The following ARMCX5 variants were observed in gnomAD, a reference collection of about 807,000 sequenced individuals.
The protein encoded by ARMCX5 is armadillo repeat-containing X-linked protein 5.
Under a neutral mutation model 7.5 loss-of-function variants are expected in ARMCX5, and 1 was observed. That is an observed-to-expected ratio of 0.13 (90% confidence interval 0.05 to 0.63). The LOEUF is 0.63. ARMCX5 is among the 30% of genes least tolerant of loss of function. ARMCX5 has a pLI of 0.86. For synonymous variants in ARMCX5, 149 were observed against 145.7 expected (o/e 1.02, Z -0.16); for missense variants, 346 against 402.2 (o/e 0.86, Z 1.19).
rs1414699668 is a variant in ARMCX5, at chrX:102,603,879, G to A, written c.*61G>A. 1.4e-6 allele frequency: 1 copy of A among 711,966 alleles called. No homozygotes were observed. The highest frequency in any genetic ancestry group is 2.1e-6 in the Non-Finnish European group (1 of 483,805). The allele number at this position is 711,966 out of a possible 1,213,427, so 58.7% of individuals were successfully genotyped here. A position where few individuals can be genotyped will look rare whatever the true frequency, so the allele number is the denominator to read the frequency against. The stretch of plus-strand genomic sequence containing the variant: ...TTTGGAGTTGCAATATGAAACCAAT[G>A]CATATTGTAATTATAAATTCAATAC... On this transcript the variant is annotated 3_prime_UTR_variant, in exon 4 of 4. Transcript: ENST00000473968.
Position 102,602,048 on chromosome X carries a change from TG to T in ARMCX5, c.-92del. On this transcript the variant is annotated 5_prime_UTR_variant, in exon 4 of 4. Coordinates refer to ENST00000473968, the MANE Select transcript of ARMCX5 (RefSeq NM_001168478.2). ...GTTGGAAAGGGGACAGAGTGACTAC[TG>T]GACTTTGTGTGAAAACACCAACCGG... is the stretch of plus-strand genomic sequence containing the variant. 1.4e-6 allele frequency: 1 copy of T among 733,130 alleles called. No individual in the cohort carries two copies. Among genetic ancestry groups the T allele is most frequent in the Non-Finnish European group, 2.0e-6 (1 of 487,958 alleles). The allele number at this position is 733,130 out of a possible 1,213,427, so 60.4% of individuals were successfully genotyped here.
intron 3 of ARMCX5, 44 bp from the exon 4 acceptor site, chrX:102,601,836 A>T: frequency 3.3e-6 from 1 of 304,304 alleles, no homozygotes; most frequent in East Asian, 5.3e-5. Context: ...AGGAGAAAAA[A>T]GTTGGAAGAG....
rs749789460 is a variant in ARMCX5 at position 102,603,222 on chromosome X, G to A, written c.1081G>A (p.Val361Ile). The A allele has an allele frequency of 2.1e-5, 25 of 1,208,425 alleles. No homozygotes were observed. The East Asian group carries it at 4.7e-4, about 23-fold the overall frequency. Residue 361 changes from valine (V) to isoleucine (I), a missense_variant, in exon 4 of 4, where the codon GTC becomes ATC. Around this residue, in one of 3 missense-constraint regions of ARMCX5, gnomAD observed 139 missense variants for 141.1 expected, o/e 0.99. Transcript: ENST00000473968. ...TATTACTGTTATGATTGAAAACTTG[G>A]TCAATAATCCCAATGTTAAAGAACA... Reference protein sequence around the residue: ...VGITVMIENLVNNPNVKEHPG... With the variant: ...VGITVMIENLINNPNVKEHPG...
chrX:102,599,723 A>G lies in ARMCX5; in HGVS notation c.-546A>G, dbSNP rs1352167007. On this transcript the variant is annotated 5_prime_UTR_variant, in exon 1 of 4. Transcript: ENST00000473968. ...GTCTTGAGTCCCAGGTGCCGAGTCA[A>G]TCCCCATACACAGCCGCCGCCATTG... 9.2e-6 allele frequency: 1 copy of G among 108,448 alleles called. No homozygotes were observed. Among genetic ancestry groups the G allele is most frequent in the Non-Finnish European group, 1.9e-5 (1 of 52,413 alleles). 8.9% of individuals were successfully genotyped at this position (108,448 alleles called of 1,213,427 possible). A position where few individuals can be genotyped will look rare whatever the true frequency, so the allele number is the denominator to read the frequency against.
Position 102,603,473 on chromosome X carries a change from A to G in ARMCX5, c.1332A>G (p.Gly444=), listed in dbSNP as rs774206301. 6.6e-6 allele frequency: 8 copies of G among 1,207,820 alleles called. No individual in the cohort carries two copies. Among genetic ancestry groups the G allele is most frequent in the Non-Finnish European group, 9.0e-6 (8 of 892,121 alleles). ...ATTTCCTCACCTTGTTAAACAAGGG[A>G]AGTGTCAAAACCAAGTTTTATGTTT... ...IPDFLTLLNK[G]SVKTKFYVLK... is the part of the protein sequence containing the mutation. Residue 444 remains glycine, a synonymous_variant, in exon 4 of 4, where the codon GGA becomes GGG. Coordinates refer to ENST00000473968, the MANE Select transcript of ARMCX5 (RefSeq NM_001168478.2).
chrX:102,603,022 A>G lies in ARMCX5; in HGVS notation c.881A>G (p.Asn294Ser). 2.5e-6 allele frequency: 3 copies of G among 1,211,755 alleles called. No individual in the cohort carries two copies. The highest frequency in any genetic ancestry group is 1.7e-5 in the African/African-American group (1 of 57,779). The change falls in exon 4 of 4, where the codon AAT (asparagine) becomes AGT (serine). Residue 294 changes from asparagine to serine, a missense_variant. Physicochemically the swap from Asn to Ser is conservative, Grantham distance 46 (BLOSUM62 1). This residue lies in a region of ARMCX5 where 204 missense variants were observed against 244.3 expected (regional missense o/e 0.83). Transcript: ENST00000473968. ...QIRQREKYGPNPKACHCKSRG... is the reference protein window; with the variant it reads ...QIRQREKYGPSPKACHCKSRG... ...AGGCAAAGGGAAAAGTATGGGCCTA[A>G]TCCGAAGGCCTGCCACTGCAAATCA...
rs1178601130 is a variant in ARMCX5, at chrX:102,603,190, A to G, written c.1049A>G (p.Asp350Gly). The change falls in exon 4 of 4, where the codon GAT (aspartate) becomes GGT (glycine). Residue 350 changes from aspartate to glycine, a missense_variant. Transcript: ENST00000473968. ...CCATTTACTCAAGATATAATTCATGATGTAGGTATTACTGTTATGATTGAA... is the reference window on the plus strand; with the variant it reads ...CCATTTACTCAAGATATAATTCATGGTGTAGGTATTACTGTTATGATTGAA... ...AYPFTQDIIH[D>G]VGITVMIENL... 1 of 1,207,380 alleles carries G rather than the reference A, an allele frequency of 8.3e-7. No individual in the cohort carries two copies. Among genetic ancestry groups the G allele is most frequent in the Non-Finnish European group, 1.1e-6 (1 of 892,792 alleles).
At position 102,602,832 on chromosome X, in the gene ARMCX5, G is replaced by A; in HGVS notation, c.691G>A (p.Val231Ile). The A allele has an allele frequency of 1.7e-6, 2 of 1,210,443 alleles. No individual in the cohort carries two copies. Among genetic ancestry groups the A allele is most frequent in the Non-Finnish European group, 1.1e-6 (1 of 894,385 alleles). ...VIAWSRARYI[V>I]LVPVEGGEQS... Reference sequence around the variant, plus strand: ...AGCATGGTCAAGGGCCAGGTATATTGTCCTAGTTCCAGTTGAAGGAGGGGA... The same window carrying A: ...AGCATGGTCAAGGGCCAGGTATATTATCCTAGTTCCAGTTGAAGGAGGGGA... The change falls in exon 4 of 4, where the codon GTC becomes ATC. Residue 231 changes from valine (V) to isoleucine (I), a missense_variant. This residue lies in a region of ARMCX5 where 204 missense variants were observed against 244.3 expected (regional missense o/e 0.83). Coordinates refer to ENST00000473968, the MANE Select transcript of ARMCX5 (RefSeq NM_001168478.2).
Position 102,602,166 on chromosome X carries a change from A to G in ARMCX5, c.25A>G (p.Arg9Gly). The change falls in exon 4 of 4, where the codon AGG (arginine) becomes GGG (glycine). Residue 9 changes from arginine (R) to glycine (G), a missense_variant. Around this residue, in one of 3 missense-constraint regions of ARMCX5, gnomAD observed 204 missense variants for 244.3 expected, o/e 0.83. Transcript: ENST00000473968. The part of the protein sequence containing the change: MVDSGTEA[R>G]ARGKAEAGLQ... ...CATGGTTGACTCTGGGACAGAAGCAAGGGCTAGAGGAAAGGCTGAGGCTGG... is the reference window on the plus strand; with the variant it reads ...CATGGTTGACTCTGGGACAGAAGCAGGGGCTAGAGGAAAGGCTGAGGCTGG... 1 of 1,206,251 alleles carries G rather than the reference A, an allele frequency of 8.3e-7. No homozygotes were observed. Among genetic ancestry groups the G allele is most frequent in the South Asian group, 1.8e-5 (1 of 55,921 alleles).
chrX:102,602,366 G>T lies in ARMCX5; in HGVS notation c.225G>T (p.Arg75Ser), dbSNP rs764309369. The T allele has an allele frequency of 8.3e-7, 1 of 1,211,541 alleles. No homozygotes were observed. The highest frequency in any genetic ancestry group is 1.8e-5 in the South Asian group (1 of 56,999). Reference protein sequence around the residue: ...VTYREAMAVTREVIKVEDTTK... With the variant: ...VTYREAMAVTSEVIKVEDTTK... ...ACAGGGAGGCTATGGCTGTGACAAG[G>T]GAAGTGATCAAGGTGGAAGATACAA... The change falls in exon 4 of 4, where the codon AGG (arginine) becomes AGT (serine). Residue 75 changes from arginine to serine, a missense_variant. By Grantham distance (110) the Arg-to-Ser change is moderately radical. Transcript: ENST00000473968.
At position 102,599,745 on chromosome X, in the gene ARMCX5, A is replaced by C. The variant is rs762744891; in HGVS notation, c.-524A>C. The C allele has an allele frequency of 9.3e-6, 1 of 107,608 alleles. No individual in the cohort carries two copies. The highest frequency in any genetic ancestry group is 1.9e-5 in the Non-Finnish European group (1 of 52,223). 8.9% of individuals were successfully genotyped at this position (107,608 alleles called of 1,213,427 possible). ...TCAATCCCCATACACAGCCGCCGCC[A>C]TTGCCTCGAGTCCTTGTGTCTGACT... is the stretch of plus-strand genomic sequence containing the variant. On this transcript the variant is annotated 5_prime_UTR_variant, in exon 1 of 4. Coordinates refer to ENST00000473968, the MANE Select transcript of ARMCX5 (RefSeq NM_001168478.2).
In ARMCX5 at chrX:102,602,128, G is replaced by A. The variant is rs765525124; in HGVS notation, c.-14G>A. ...GTGGGGGTATATAACTTGTCCTTACGTTAAACTTGGAACATGGTTGACTCT... is the reference window on the plus strand; with the variant it reads ...GTGGGGGTATATAACTTGTCCTTACATTAAACTTGGAACATGGTTGACTCT... On this transcript the variant is annotated 5_prime_UTR_variant, in exon 4 of 4. Transcript: ENST00000473968. 5.1e-6 allele frequency: 6 copies of A among 1,179,146 alleles called. No individual in the cohort carries two copies. The highest frequency in any genetic ancestry group is 2.4e-4 in the Middle Eastern group (1 of 4,139).
At position 102,603,284 on chromosome X, in the gene ARMCX5, G is replaced by A; in HGVS notation, c.1143G>A (p.Glu381=). The A allele has an allele frequency of 8.3e-7, 1 of 1,211,445 alleles. No individual in the cohort carries two copies. Among genetic ancestry groups the A allele is most frequent in the Non-Finnish European group, 1.1e-6 (1 of 895,394 alleles). ...GALSMVDDSS[E]SSEEPKSGES... ...TAAGTATGGTGGATGACAGCTCTGA[G>A]TCTTCCGAAGAACCAAAATCAGGGG... The change falls in exon 4 of 4, where the codon GAG becomes GAA. Residue 381 remains glutamate (E), a synonymous_variant. Coordinates refer to ENST00000473968, the MANE Select transcript of ARMCX5 (RefSeq NM_001168478.2).
chrX:102,602,169 G>T lies in ARMCX5; in HGVS notation c.28G>T (p.Ala10Ser). MVDSGTEAR[A>S]RGKAEAGLQD... ...GGTTGACTCTGGGACAGAAGCAAGG[G>T]CTAGAGGAAAGGCTGAGGCTGGCCT... Residue 10 changes from alanine to serine, a missense_variant, in exon 4 of 4, where the codon GCT becomes TCT. Physicochemically the swap from Ala to Ser is moderately conservative, Grantham distance 99 (BLOSUM62 1). Transcript: ENST00000473968. 8.3e-7 allele frequency: 1 copy of T among 1,208,806 alleles called. No homozygotes were observed. The highest frequency in any genetic ancestry group is 1.1e-6 in the Non-Finnish European group (1 of 893,859).
rs2081065227 is a variant in ARMCX5 at position 102,603,276 on chromosome X, A to C, written c.1135A>C (p.Ser379Arg). The C allele has an allele frequency of 1.7e-6, 2 of 1,211,639 alleles. No homozygotes were observed. Among genetic ancestry groups the C allele is most frequent in the Non-Finnish European group, 2.2e-6 (2 of 895,412 alleles). ...HPGALSMVDD[S>R]SESSEEPKSG... Reference sequence around the variant, plus strand: ...TGGAGCTTTAAGTATGGTGGATGACAGCTCTGAGTCTTCCGAAGAACCAAA... The same window carrying C: ...TGGAGCTTTAAGTATGGTGGATGACCGCTCTGAGTCTTCCGAAGAACCAAA... Residue 379 changes from serine (S) to arginine (R), a missense_variant, in exon 4 of 4, where the codon AGC (serine) becomes CGC (arginine). Around this residue, in one of 3 missense-constraint regions of ARMCX5, gnomAD observed 139 missense variants for 141.1 expected, o/e 0.99. Transcript: ENST00000473968.
rs773828294 is a variant in ARMCX5 at position 102,602,481 on chromosome X, T to G, written c.340T>G (p.Ser114Ala). Residue 114 changes from serine (S) to alanine (A), a missense_variant, in exon 4 of 4, where the codon TCT (serine) becomes GCT (alanine). Transcript: ENST00000473968. Reference protein sequence around the residue: ...PQTKSKAMPMSRVSTVTKSEV... With the variant: ...PQTKSKAMPMARVSTVTKSEV... The stretch of plus-strand genomic sequence containing the variant: ...AACCAAGTCAAAGGCCATGCCTATG[T>G]CTAGGGTCAGTACTGTAACCAAGTC... 1.7e-6 allele frequency: 2 copies of G among 1,211,066 alleles called. No individual in the cohort carries two copies. The highest frequency in any genetic ancestry group is 2.2e-6 in the Non-Finnish European group (2 of 894,835).
chrX:102,602,191 G>A lies in ARMCX5; in HGVS notation c.50G>A (p.Gly17Asp). Residue 17 changes from glycine (G) to aspartate (D), a missense_variant, in exon 4 of 4, where the codon GGC (glycine) becomes GAC (aspartate). By Grantham distance (94) the Gly-to-Asp change is moderately conservative. This residue lies in a region of ARMCX5 where 204 missense variants were observed against 244.3 expected (regional missense o/e 0.83). Coordinates refer to ENST00000473968, the MANE Select transcript of ARMCX5 (RefSeq NM_001168478.2). The part of the protein sequence containing the change: ...EARARGKAEA[G>D]LQDGISGPAT... ...AGGGCTAGAGGAAAGGCTGAGGCTG[G>A]CCTGCAAGATGGAATCAGTGGTCCT... is the stretch of plus-strand genomic sequence containing the variant. 1 of 1,211,059 alleles carries A rather than the reference G, an allele frequency of 8.3e-7. No individual in the cohort carries two copies. Among genetic ancestry groups the A allele is most frequent in the Non-Finnish European group, 1.1e-6 (1 of 895,139 alleles).
Position 102,603,321 on chromosome X carries a change from C to A in ARMCX5, c.1180C>A (p.His394Asn). The change falls in exon 4 of 4, where the codon CAT becomes AAT. Residue 394 changes from histidine (H) to asparagine (N), a missense_variant. His to Asn is a moderately conservative substitution (Grantham distance 68). Around this residue, in one of 3 missense-constraint regions of ARMCX5, gnomAD observed 139 missense variants for 141.1 expected, o/e 0.99. Coordinates refer to ENST00000473968, the MANE Select transcript of ARMCX5 (RefSeq NM_001168478.2). ...ACCAAAATCAGGGGAGTCATATATACATCAAGTTTGTAAAGGCATAATCTC... is the reference window on the plus strand; with the variant it reads ...ACCAAAATCAGGGGAGTCATATATAAATCAAGTTTGTAAAGGCATAATCTC... ...EEPKSGESYI[H>N]QVCKGIISCP... 1 of 1,210,499 alleles carries A rather than the reference C, an allele frequency of 8.3e-7. No individual in the cohort carries two copies.
rs1318370282 is a variant in ARMCX5, at chrX:102,602,305, G to T, written c.164G>T (p.Gly55Val). 1 of 1,211,905 alleles carries T rather than the reference G, an allele frequency of 8.3e-7. No individual in the cohort carries two copies. Among genetic ancestry groups the T allele is most frequent in the Admixed American group, 2.2e-5 (1 of 46,040 alleles). ...GAATCAGTGACCCAGGCCAAAGCTG[G>T]TGATGGAGCAATGACCAGGACACAT... ...KTESVTQAKA[G>V]DGAMTRTHTV... Residue 55 changes from glycine to valine, a missense_variant, in exon 4 of 4, where the codon GGT becomes GTT. Coordinates refer to ENST00000473968, the MANE Select transcript of ARMCX5 (RefSeq NM_001168478.2).
Sources: allele counts gnomAD v4.1 joint callset, GRCh38; gene constraint gnomAD v4.1.1; regional missense constraint gnomAD v4.1.1; transcripts MANE v1.5; gene names NCBI Gene and HGNC (gene_info 2026-07-23, HGNC 2026-07-21).